The following NPAS4 variants were observed in gnomAD, a reference collection of about 807,000 sequenced individuals.
NPAS4 encodes neuronal PAS domain protein 4, also known as neuronal PAS domain-containing protein 4.
NPAS4 carries 10 observed loss-of-function variants against 64.0 expected under a neutral mutation model. The ratio of observed to expected loss-of-function variants is 0.16; its 90% CI spans 0.10 to 0.26. NPAS4 has a LOEUF of 0.26. Ranked by LOEUF, NPAS4 falls within the 10% of genes least tolerant of loss-of-function variation. The probability of loss-of-function intolerance (pLI) is 1.00; values close to 1 mark genes in which losing one functional copy is unlikely to be tolerated. For synonymous variants in NPAS4, 441 were observed against 411.7 expected, an observed-to-expected ratio of 1.07 and a Z score of -0.86; for missense variants, 886 against 992.6, an observed-to-expected ratio of 0.89 and a Z score of 1.44.
At chr11:66,413,502 CTAGGCTTGGACCCA>C in the NPAS4 span, among the ~76,000 whole-genome samples, 1 of 152,256 alleles carries the variant, frequency 6.6e-6, no homozygotes, top group African/African-American at 2.4e-5. Context: ...CTGCTCAAGG[CTAGGCTTGGACCCA>C]TAGCATAAGT....
At position 66,423,592 on chromosome 11, in the gene NPAS4, G is replaced by C. The variant is rs1421206690; in HGVS notation, c.823G>C (p.Asp275His). The C allele has an allele frequency of 6.2e-7, 1 of 1,613,978 alleles. No individual in the cohort carries two copies. The highest frequency in any genetic ancestry group is 8.5e-7 in the Non-Finnish European group (1 of 1,180,028). Residue 275 changes from aspartate (D) to histidine (H), a missense_variant, in exon 6 of 8, where the codon GAT (aspartate) becomes CAT (histidine). Transcript: ENST00000311034. ...TTTCTCCCCAGTGGCTGAGAGTGGA[G>C]ATATTCAGGCAGAGATGGTGGTGAG... ...QHYRLLAESG[D>H]IQAEMVVRLQ...
the NPAS4 span, among the ~76,000 whole-genome samples, chr11:66,412,233 G>A: frequency 1.3e-5 from 2 of 152,272 alleles, no homozygotes; most frequent in Non-Finnish European, 2.9e-5. Context: ...GGGCTGCTGA[G>A]CACCAGAAGG....
rs992906918 is a variant in NPAS4, at chr11:66,421,486, A to T, written c.175+132A>T. 6 of 736,798 alleles carry T rather than the reference A, an allele frequency of 8.1e-6. No individual in the cohort carries two copies. The African/African-American group carries it at 1.1e-4, about 13-fold the overall frequency. 45.6% of individuals were successfully genotyped at this position (736,798 alleles called of 1,614,324 possible). A position where few individuals can be genotyped will look rare whatever the true frequency, so the allele number is the denominator to read the frequency against. On this transcript the variant is annotated intron_variant, in intron 1 of 7. Transcript: ENST00000311034. ...GCTGGGGAGATTCGGGACTCGGGAG[A>T]TTCGGGACTTTCTACTTTTCCTCCT...
In NPAS4 at chr11:66,424,931, G is replaced by C; in HGVS notation, c.2041G>C (p.Val681Leu). The C allele has an allele frequency of 6.2e-7, 1 of 1,614,042 alleles. No homozygotes were observed. The highest frequency in any genetic ancestry group is 1.1e-5 in the South Asian group (1 of 91,088). Reference protein sequence around the residue: ...NLSLSGAGPPVLSLDLKPWKC... With the variant: ...NLSLSGAGPPLLSLDLKPWKC... ...GTCCCTGTCAGGGGCAGGCCCCCCT[G>C]TGCTCAGCCTGGACCTGAAACCCTG... is the stretch of plus-strand genomic sequence containing the variant. Residue 681 changes from valine (V) to leucine (L), a missense_variant, in exon 7 of 8, where the codon GTG becomes CTG. Around this residue, in one of 3 missense-constraint regions of NPAS4, gnomAD observed 820 missense variants for 855.5 expected, o/e 0.96. Transcript: ENST00000311034.
At chr11:66,409,863 A>G in the NPAS4 span, 1 of 152,270 alleles carries the variant, frequency 6.6e-6, no homozygotes, top group Non-Finnish European at 1.5e-5. Context: ...TCCCCAGCAC[A>G]GTCTGGACCT....
rs368449191 is a variant in NPAS4 at position 66,424,362 on chromosome 11, A to G, written c.1472A>G (p.Glu491Gly). ...AGCCCACTGCAAGGCCAGTTGACTG[A>G]AACCTCGGTCAGAAGCTATGAAGAC... Reference protein sequence around the residue: ...LTSPLQGQLTETSVRSYEDQL... With the variant: ...LTSPLQGQLTGTSVRSYEDQL... Residue 491 changes from glutamate (E) to glycine (G), a missense_variant, in exon 7 of 8, where the codon GAA (glutamate) becomes GGA (glycine). Glu to Gly is a moderately conservative substitution (Grantham distance 98). Transcript: ENST00000311034. The G allele has an allele frequency of 1.4e-4, 222 of 1,613,952 alleles. No homozygotes were observed. The highest frequency in any genetic ancestry group is 1.8e-4 in the Non-Finnish European group (211 of 1,179,984).
At chr11:66,425,863 C>T (rs776591505) in intron 7 of NPAS4, 98 bp from the exon 8 acceptor site, 1 of 915,988 alleles carries the variant, frequency 1.1e-6, no homozygotes, top group African/African-American at 1.6e-5. Flanking sequence ...GAGCCAATAT[C>T]TTTGAAGCCT....
the NPAS4 span, among the ~76,000 whole-genome samples, chr11:66,413,517 T>C: frequency 6.6e-6 from 1 of 152,328 alleles, no homozygotes; most frequent in Non-Finnish European, 1.5e-5. Context: ...CTTGGACCCA[T>C]AGCATAAGTC....
Position 66,425,969 on chromosome 11 carries a change from G to A in NPAS4, c.2389G>A (p.Gly797Arg), listed in dbSNP as rs1590697497. 1 of 1,611,412 alleles carries A rather than the reference G, an allele frequency of 6.2e-7. No individual in the cohort carries two copies. Among genetic ancestry groups the A allele is most frequent in the Non-Finnish European group, 8.5e-7 (1 of 1,177,512 alleles). The change falls in exon 8 of 8, where the codon GGA (glycine) becomes AGA (arginine). Residue 797 changes from glycine (G) to arginine (R), a missense_variant. This residue lies in a region of NPAS4 where 28 missense variants were observed against 57.0 expected (regional missense o/e 0.49). Coordinates refer to ENST00000311034, the MANE Select transcript of NPAS4 (RefSeq NM_178864.4). ...TATCTATCTCTCTGCAGATGGAAGT[G>A]GAGGGGAACCAACGTTTTGAATAAG... ...VQDSFHEDGS[G>R]GEPTF is the part of the protein sequence containing the mutation.
Position 66,424,757 on chromosome 11 carries a change from C to T in NPAS4, c.1867C>T (p.His623Tyr). ...CTCTCCAGTCAAGCAGAGTTTCTTC[C>T]ACTACTCTGAAAAGGAGCAGAATGA... ...EASPVKQSFF[H>Y]YSEKEQNEID... The change falls in exon 7 of 8, where the codon CAC becomes TAC. Residue 623 changes from histidine (H) to tyrosine (Y), a missense_variant. His to Tyr is a moderately conservative substitution (Grantham distance 83). Around this residue, in one of 3 missense-constraint regions of NPAS4, gnomAD observed 820 missense variants for 855.5 expected, o/e 0.96. Coordinates refer to ENST00000311034, the MANE Select transcript of NPAS4 (RefSeq NM_178864.4). 1 of 1,614,026 alleles carries T rather than the reference C, an allele frequency of 6.2e-7. No individual in the cohort carries two copies. The highest frequency in any genetic ancestry group is 8.5e-7 in the Non-Finnish European group (1 of 1,179,984).
rs751596584 is a variant in NPAS4 at position 66,422,873 on chromosome 11, C to G, written c.630C>G (p.Ala210=). Reference sequence around the variant, plus strand: ...GTCCTGGCCCTGGCCCTGGCCCTGCCTCGCTCTTCCTGGCCATGTTCCAGA... The same window carrying G: ...GTCCTGGCCCTGGCCCTGGCCCTGCGTCGCTCTTCCTGGCCATGTTCCAGA... ...RPGPGPGPGP[A]SLFLAMFQSR... Residue 210 remains alanine (A), a synonymous_variant, in exon 4 of 8, where the codon GCC becomes GCG. Coordinates refer to ENST00000311034, the MANE Select transcript of NPAS4 (RefSeq NM_178864.4). 1.5e-5 allele frequency: 24 copies of G among 1,611,860 alleles called. No individual in the cohort carries two copies. The highest frequency in any genetic ancestry group is 5.3e-5 in the African/African-American group (4 of 74,940).
Position 66,422,930 on chromosome 11 carries a change from C to T in NPAS4, c.687C>T (p.Asp229=), listed in dbSNP as rs1856771084. Residue 229 remains aspartate, a synonymous_variant, in exon 4 of 8, where the codon GAC becomes GAT. Transcript: ENST00000311034. ...SRHAKDLALL[D]ISESVLIYLG... Reference sequence around the variant, plus strand: ...ATGCTAAAGACCTGGCTCTACTGGACATCTCCGAGAGGTAAGCCTGGAGTG... The same window carrying T: ...ATGCTAAAGACCTGGCTCTACTGGATATCTCCGAGAGGTAAGCCTGGAGTG... 2 of 1,604,936 alleles carry T rather than the reference C, an allele frequency of 1.2e-6. No individual in the cohort carries two copies. The highest frequency in any genetic ancestry group is 1.7e-6 in the Non-Finnish European group (2 of 1,179,928).
In NPAS4 at chr11:66,425,041, C is replaced by T. The variant is rs757609862; in HGVS notation, c.2151C>T (p.Leu717=). Residue 717 remains leucine (L), a synonymous_variant, in exon 7 of 8, where the codon CTC becomes CTT. Coordinates refer to ENST00000311034, the MANE Select transcript of NPAS4 (RefSeq NM_178864.4). ...ETPVEDIFMD[L]STPDPSEEWG... Reference sequence around the variant, plus strand: ...CCGTGGAAGACATCTTCATGGATCTCTCTACCCCAGATCCCAGTGAGGAAT... The same window carrying T: ...CCGTGGAAGACATCTTCATGGATCTTTCTACCCCAGATCCCAGTGAGGAAT... 6.2e-7 allele frequency: 1 copy of T among 1,612,674 alleles called. No individual in the cohort carries two copies. The highest frequency in any genetic ancestry group is 1.1e-5 in the South Asian group (1 of 90,776).
chr11:66,422,639 C>T, intron 3 of NPAS4, 35 bp from the exon 4 acceptor site: 1 of 1,611,560 alleles, frequency 6.2e-7, no homozygotes, highest in Non-Finnish European at 8.5e-7. Context: ...CTCAGCCACT[C>T]ACCCTCTTAT....
At chr11:66,421,962 C>A (rs1192522160) in intron 1 of NPAS4, among the ~76,000 whole-genome samples, 158 bp from the exon 2 acceptor site, 1 of 152,228 alleles carries the variant, frequency 6.6e-6, no homozygotes, top group Non-Finnish European at 1.5e-5. Context: ...GCAACAGGTT[C>A]CCTGGCCAAG....
the NPAS4 span, among the ~76,000 whole-genome samples, chr11:66,415,785 C>A: frequency 6.6e-6 from 1 of 152,186 alleles, no homozygotes; most frequent in Admixed American, 6.5e-5. Flanking sequence ...AAGTCATTAT[C>A]TATCTCTGAG....
In NPAS4 at chr11:66,424,268, A is replaced by T. The variant is rs776796135; in HGVS notation, c.1378A>T (p.Thr460Ser). ...ATCCAGCACTCTTCAAGAACAGCTG[A>T]CTCCAAGCACTGCGACCTTCTCTGA... ...TPSSTLQEQL[T>S]PSTATFSDQL... Residue 460 changes from threonine (T) to serine (S), a missense_variant, in exon 7 of 8, where the codon ACT (threonine) becomes TCT (serine). Thr to Ser is a moderately conservative substitution (Grantham distance 58). Around this residue, in one of 3 missense-constraint regions of NPAS4, gnomAD observed 820 missense variants for 855.5 expected, o/e 0.96. Coordinates refer to ENST00000311034, the MANE Select transcript of NPAS4 (RefSeq NM_178864.4). 1 of 1,614,030 alleles carries T rather than the reference A, an allele frequency of 6.2e-7. No homozygotes were observed. Among genetic ancestry groups the T allele is most frequent in the Non-Finnish European group, 8.5e-7 (1 of 1,180,028 alleles).
At chr11:66,413,932 A>G in the NPAS4 span, among the ~76,000 whole-genome samples, 2 of 152,138 alleles carry the variant, frequency 1.3e-5, no homozygotes, top group East Asian at 3.9e-4. Context: ...GCACCATCAC[A>G]TCACTGCAGA....
the NPAS4 span, chr11:66,410,247 C>T: frequency 3.3e-5 from 5 of 152,412 alleles, no homozygotes; most frequent in Middle Eastern, 3.4e-3. Flanking sequence ...CATCTCTGGG[C>T]TGGTCTCTGG....
Sources: allele counts gnomAD v4.1 joint callset (sites outside exome capture counted in the v4.1 genomes callset), GRCh38; gene constraint gnomAD v4.1.1; regional missense constraint gnomAD v4.1.1; transcripts MANE v1.5; gene names NCBI Gene and HGNC (gene_info 2026-07-23, HGNC 2026-07-21).